PLAAT5: variants seen among roughly 807,000 people sequenced by gnomAD.
PLAAT5 encodes Ca(2+)-independent N-acyltransferase.
In PLAAT5, 27 loss-of-function variants were observed where a neutral mutation model predicts 27.8. That is an observed-to-expected ratio of 0.97 (90% CI 0.72 to 1.34). PLAAT5 has a LOEUF of 1.34. Ranked by LOEUF, PLAAT5 falls within the 40% of genes most tolerant of loss-of-function variation. The pLI is 0.00. For synonymous variants in PLAAT5, 125 were observed against 136.1 expected (o/e 0.92, Z 0.57); for missense variants, 368 against 343.8 (o/e 1.07, Z -0.56).
chr11:63,479,243 TGGA>T (rs1295896423), intron 3 of PLAAT5, among the ~76,000 whole-genome samples: 1 of 152,184 alleles, frequency 6.6e-6, no homozygotes, highest in Non-Finnish European at 1.5e-5. Flanking sequence ...AAAGGCAAAG[TGGA>T]GGAGAGCTCT....
chr11:63,486,833 T>C (rs976327221), intron 3 of PLAAT5, among the ~76,000 whole-genome samples: 2 of 152,034 alleles, frequency 1.3e-5, no homozygotes, highest in Non-Finnish European at 2.9e-5. Flanking sequence ...TAAAAATGTA[T>C]CAAATATGTA....
chr11:63,475,829 C>T (rs770291665), intron 3 of PLAAT5, among the ~76,000 whole-genome samples: 23 of 152,004 alleles, frequency 1.5e-4, no homozygotes, highest in Non-Finnish European at 2.8e-4. Flanking sequence ...TGACTTATTG[C>T]TATCTACTTC....
chr11:63,477,339 C>A (rs2120281497), intron 3 of PLAAT5, among the ~76,000 whole-genome samples: 1 of 152,254 alleles, frequency 6.6e-6, no homozygotes, highest in East Asian at 1.9e-4. Context: ...CCCACCCAAC[C>A]AGGGCGGACG....
chr11:63,485,795 A>G (rs145262982), intron 3 of PLAAT5, among the ~76,000 whole-genome samples: 256 of 152,338 alleles, frequency 1.7e-3, no homozygotes, highest in African/African-American at 5.8e-3. Flanking sequence ...TAAACCAAAA[A>G]GCTTCTGCAC....
At chr11:63,483,879 T>C (rs1166027389) in intron 3 of PLAAT5, among the ~76,000 whole-genome samples, 2 of 130,710 alleles carry the variant, frequency 1.5e-5, no homozygotes, top group African/African-American at 2.7e-5. Flanking sequence ...GCTGGTTCTT[T>C]GAAAAGATAA....
rs72930155 is a variant in PLAAT5 at position 63,488,848 on chromosome 11, T to C, written c.345+23A>G. ...TGCCAGGAGGTTAAAGATAGTCACT[T>C]TGAGAATTCTTGTTACACCTACCTC... On this transcript the variant is annotated intron_variant, in intron 3 of 5. Transcript: ENST00000540857. 6.2e-4 allele frequency: 956 copies of C among 1,532,366 alleles called. 17 individuals carry two copies. The East Asian group carries it at 0.021, about 33-fold the overall frequency. The allele number at this position is 1,532,366 out of a possible 1,614,324, so 94.9% of individuals were successfully genotyped here.
At chr11:63,464,912 G>A (rs2015816291) in intron 5 of PLAAT5, among the ~76,000 whole-genome samples, 1 of 152,130 alleles carries the variant, frequency 6.6e-6, no homozygotes, top group Admixed American at 6.6e-5. Context: ...CCCCTGCAAA[G>A]CCACAGCATG....
chr11:63,481,188 C>G (rs2016275580), intron 3 of PLAAT5, among the ~76,000 whole-genome samples: 1 of 152,186 alleles, frequency 6.6e-6, no homozygotes, highest in Non-Finnish European at 1.5e-5. Context: ...GCCTATAATC[C>G]CAGCACTGTG....
At chr11:63,488,643 C>T (rs1490454393) in intron 3 of PLAAT5, among the ~76,000 whole-genome samples, 1 of 151,056 alleles carries the variant, frequency 6.6e-6, no homozygotes, top group Admixed American at 6.6e-5. Flanking sequence ...AATTTGTAAA[C>T]TTTATTAAAA....
At position 63,466,211 on chromosome 11, in the gene PLAAT5, T is replaced by C. The variant is rs766425307; in HGVS notation, c.616A>G (p.Thr206Ala). 8 of 1,614,044 alleles carry C rather than the reference T, an allele frequency of 5.0e-6. No individual in the cohort carries two copies. The highest frequency in any genetic ancestry group is 1.6e-4 in the Middle Eastern group (1 of 6,084). The change falls in exon 5 of 6, where the codon ACA becomes GCA. Residue 206 changes from threonine to alanine, a missense_variant. Coordinates refer to ENST00000540857, the MANE Select transcript of PLAAT5 (RefSeq NM_001146729.2). The stretch of plus-strand genomic sequence containing the variant: ...ACGATCTTGTTGACCATCTTTTTTG[T>C]ACGCTGGATGATCTTGTCCACCGGC... ...PLPVDKIIQR[T>A]KKMVNKIVQY...
intron 3 of PLAAT5, among the ~76,000 whole-genome samples, chr11:63,488,451 G>A (rs2016488167): frequency 6.6e-6 from 1 of 152,216 alleles, no homozygotes; most frequent in Non-Finnish European, 1.5e-5. Flanking sequence ...TTATCAAATT[G>A]TATATTTTAG....
At chr11:63,466,448 A>C in intron 4 of PLAAT5, 76 bp from the exon 5 acceptor site, 2 of 1,458,110 alleles carry the variant, frequency 1.4e-6, no homozygotes, top group Non-Finnish European at 1.9e-6. Flanking sequence ...ACTCTGAGTA[A>C]GCTGCTTCCC....
chr11:63,466,894 A>G (rs1190171814), intron 4 of PLAAT5, among the ~76,000 whole-genome samples: 1 of 152,142 alleles, frequency 6.6e-6, no homozygotes, highest in Non-Finnish European at 1.5e-5. Context: ...CAGCCACTTG[A>G]CTGACCTCTA....
rs34013443 is a variant in PLAAT5, at chr11:63,469,103, CGTGTGTGTGTGT to C, written c.346-650_346-639del. Among the ~76,000 whole-genome samples the C allele has an allele frequency of 3.8e-3, 517 of 134,432 alleles. 30 individuals are homozygous for C. The South Asian group carries it at 0.11, about 29-fold the overall frequency. 88.2% of individuals were successfully genotyped at this position (134,432 alleles called of 152,430 possible). A position where few individuals can be genotyped will look rare whatever the true frequency, so the allele number is the denominator to read the frequency against. Reference sequence around the variant, plus strand: ...CAGCAAATGCAAACTTCTCTATTATCGTGTGTGTGTGTGTGTGTGTGTGTGTGTGTGTGTGTG... The same window carrying C: ...CAGCAAATGCAAACTTCTCTATTATCGTGTGTGTGTGTGTGTGTGTGTGTG... On this transcript the variant is annotated intron_variant, in intron 3 of 5. Transcript: ENST00000540857.
chr11:63,490,995 G>A lies in PLAAT5; in HGVS notation c.40C>T (p.Arg14Cys), dbSNP rs767589718. 6.5e-7 allele frequency: 1 copy of A among 1,549,006 alleles called. No individual in the cohort carries two copies. The highest frequency in any genetic ancestry group is 1.2e-5 in the South Asian group (1 of 83,740). Residue 14 changes from arginine (R) to cysteine (C), a missense_variant, in exon 1 of 6, where the codon CGC (arginine) becomes TGC (cysteine). By Grantham distance (180) the Arg-to-Cys change is radical. Transcript: ENST00000540857. ...AGGGGTGGGGGAATCCTAGGGAGGCGGAGCGCGTACTCCCCCTCGGCGCCC... is the reference window on the plus strand; with the variant it reads ...AGGGGTGGGGGAATCCTAGGGAGGCAGAGCGCGTACTCCCCCTCGGCGCCC... ...SPGAEGEYAL[R>C]LPRIPPPLPK...
chr11:63,481,762 T>C (rs1279025227), intron 3 of PLAAT5, among the ~76,000 whole-genome samples: 8 of 152,124 alleles, frequency 5.3e-5, no homozygotes, highest in African/African-American at 1.9e-4. Flanking sequence ...TGTAGGGACA[T>C]GGATGAAGCT....
intron 3 of PLAAT5, among the ~76,000 whole-genome samples, chr11:63,469,180 G>T (rs1384820570): frequency 6.6e-6 from 1 of 151,592 alleles, no homozygotes; most frequent in Non-Finnish European, 1.5e-5. Flanking sequence ...GAGAGAATGA[G>T]AATATACATG....
At chr11:63,486,458 A>G (rs1338375106) in intron 3 of PLAAT5, among the ~76,000 whole-genome samples, 1 of 152,118 alleles carries the variant, frequency 6.6e-6, no homozygotes, top group East Asian at 1.9e-4. Flanking sequence ...ATACACACAC[A>G]CCACGGAATA....
chr11:63,465,371 AGTGTGTGT>A (rs58014474), intron 5 of PLAAT5, among the ~76,000 whole-genome samples: 1,887 of 145,330 alleles, frequency 0.013, 32 homozygotes, highest in African/African-American at 0.032. Flanking sequence ...TCAAACAAAA[AGTGTGTGT>A]GTGTGTGTGT....
Sources: allele counts gnomAD v4.1 joint callset (sites outside exome capture counted in the v4.1 genomes callset), GRCh38; gene constraint gnomAD v4.1.1; transcripts MANE v1.5; gene names NCBI Gene and HGNC (gene_info 2026-07-23, HGNC 2026-07-21).